HS6ST3: variants seen among roughly 807,000 people sequenced by gnomAD.
HS6ST3 encodes heparan-sulfate 6-O-sulfotransferase 3.
Under a neutral mutation model 36.7 loss-of-function variants are expected in HS6ST3, and 12 were observed. That is an observed-to-expected ratio of 0.33 (90% CI 0.21 to 0.53). The LOEUF is 0.53. Ranked by LOEUF, HS6ST3 falls within the 20% of genes least tolerant of loss-of-function variation. The pLI, the probability that HS6ST3 is intolerant of heterozygous loss-of-function variation, is 0.95. For missense variants in HS6ST3, 584 were observed against 640.9 expected, an observed-to-expected ratio of 0.91 and a Z score of 0.96; for synonymous variants, 240 against 257.5, an observed-to-expected ratio of 0.93 and a Z score of 0.65.
At chr13:96,830,657 A>C (rs1878759219) in intron 1 of HS6ST3, among the ~76,000 whole-genome samples, 1 of 152,174 alleles carries the variant, frequency 6.6e-6, no homozygotes, top group South Asian at 2.1e-4. Flanking sequence ...CACTGAGTAC[A>C]TGCTAGGTCA....
chr13:96,454,064 C>T (rs991425379), intron 1 of HS6ST3, among the ~76,000 whole-genome samples: 1 of 152,148 alleles, frequency 6.6e-6, no homozygotes, highest in African/African-American at 2.4e-5. Flanking sequence ...CACCACTCCC[C>T]CACCCCTAGC....
At chr13:96,544,357 G>T (rs2056189432) in intron 1 of HS6ST3, among the ~76,000 whole-genome samples, 1 of 152,178 alleles carries the variant, frequency 6.6e-6, no homozygotes, top group Admixed American at 6.5e-5. Flanking sequence ...TACAGAAAGA[G>T]AAGGCTCATG....
intron 1 of HS6ST3, among the ~76,000 whole-genome samples, chr13:96,153,553 G>A (rs1400262280): frequency 6.6e-6 from 1 of 152,152 alleles, no homozygotes; most frequent in East Asian, 1.9e-4. Context: ...GTTAGAAGAT[G>A]TGGCCGTTGG....
intron 1 of HS6ST3, among the ~76,000 whole-genome samples, chr13:96,514,491 C>T (rs985294808): frequency 6.6e-6 from 1 of 152,052 alleles, no homozygotes; most frequent in Non-Finnish European, 1.5e-5. Flanking sequence ...GGAGATGGGG[C>T]TTTTAGGACG....
At chr13:96,813,935 T>C (rs528764187) in intron 1 of HS6ST3, among the ~76,000 whole-genome samples, 2 of 152,236 alleles carry the variant, frequency 1.3e-5, no homozygotes, top group African/African-American at 4.8e-5. Context: ...CTCTTTCAGC[T>C]TTTTGTTTCT....
At chr13:96,762,073 T>TATAC (rs1876985089) in intron 1 of HS6ST3, among the ~76,000 whole-genome samples, 1 of 152,026 alleles carries the variant, frequency 6.6e-6, no homozygotes, top group African/African-American at 2.4e-5. Flanking sequence ...TATATACACA[T>TATAC]ATACGTATAT....
chr13:96,491,098 G>A (rs1263089747), intron 1 of HS6ST3, among the ~76,000 whole-genome samples: 2 of 152,088 alleles, frequency 1.3e-5, no homozygotes, highest in Non-Finnish European at 2.9e-5. Flanking sequence ...TTGCCTTCTT[G>A]AACTAGTTCT....
chr13:96,115,442 C>A (rs1400099589), intron 1 of HS6ST3, among the ~76,000 whole-genome samples: 1 of 152,278 alleles, frequency 6.6e-6, no homozygotes, highest in East Asian at 1.9e-4. Flanking sequence ...TTGTTCCCCA[C>A]CCTGTGTCCA....
At chr13:96,786,142 C>A (rs975474502) in intron 1 of HS6ST3, among the ~76,000 whole-genome samples, 3 of 152,116 alleles carry the variant, frequency 2.0e-5, no homozygotes, top group African/African-American at 7.2e-5. Flanking sequence ...TGGACCCTTT[C>A]TTACTCCGTT....
intron 1 of HS6ST3, among the ~76,000 whole-genome samples, chr13:96,178,647 C>G (rs947308113): frequency 5.9e-5 from 9 of 152,126 alleles, no homozygotes; most frequent in Non-Finnish European, 1.3e-4. Flanking sequence ...GGGATACTTT[C>G]TACCTGAGAT....
At chr13:96,693,328 G>A (rs1000759001) in intron 1 of HS6ST3, among the ~76,000 whole-genome samples, 1 of 152,018 alleles carries the variant, frequency 6.6e-6, no homozygotes, top group Non-Finnish European at 1.5e-5. Context: ...TTTTGAGATG[G>A]CGTTTCACTT....
chr13:96,133,031 A>G (rs536894327), intron 1 of HS6ST3, among the ~76,000 whole-genome samples: 4 of 152,160 alleles, frequency 2.6e-5, no homozygotes, highest in African/African-American at 9.6e-5. Context: ...ATATTAACTC[A>G]TAATATACAT....
At chr13:96,623,006 G>A (rs1416889401) in intron 1 of HS6ST3, among the ~76,000 whole-genome samples, 2 of 152,068 alleles carry the variant, frequency 1.3e-5, no homozygotes, top group African/African-American at 4.8e-5. Flanking sequence ...TTAAGTATGT[G>A]TAGTTTTTAT....
intron 1 of HS6ST3, among the ~76,000 whole-genome samples, chr13:96,538,121 C>A (rs867257776): frequency 6.6e-6 from 1 of 152,144 alleles, no homozygotes; most frequent in Non-Finnish European, 1.5e-5. Context: ...AGGACCCAAA[C>A]ACGAATTAGA....
At chr13:96,780,424 T>G (rs1877497802) in intron 1 of HS6ST3, among the ~76,000 whole-genome samples, 1 of 152,154 alleles carries the variant, frequency 6.6e-6, no homozygotes, top group Non-Finnish European at 1.5e-5. Context: ...AGATAAGACC[T>G]CCATATCCTG....
chr13:96,301,132 A>C (rs1331887186), intron 1 of HS6ST3, among the ~76,000 whole-genome samples: 1 of 152,172 alleles, frequency 6.6e-6, no homozygotes, highest in East Asian at 1.9e-4. Flanking sequence ...TGAACAACCC[A>C]CATTGCATTG....
chr13:96,537,781 T>A (rs1244852154), intron 1 of HS6ST3, among the ~76,000 whole-genome samples: 4 of 152,226 alleles, frequency 2.6e-5, no homozygotes, highest in Non-Finnish European at 5.9e-5. Flanking sequence ...GAACCAATGC[T>A]AGGACTGATA....
chr13:96,274,136 C>T (rs74242590), intron 1 of HS6ST3, among the ~76,000 whole-genome samples: 9,969 of 151,270 alleles, frequency 0.066, 409 homozygotes, highest in East Asian at 0.16. Context: ...CTCAAACTCC[C>T]GCTCTTTCTT....
At chr13:96,280,136 A>G (rs2054768412) in intron 1 of HS6ST3, among the ~76,000 whole-genome samples, 1 of 152,126 alleles carries the variant, frequency 6.6e-6, no homozygotes. Context: ...TGCTTTGTGT[A>G]CAGTATTAGC....
Sources: allele counts gnomAD v4.1 joint callset (sites outside exome capture counted in the v4.1 genomes callset), GRCh38; gene constraint gnomAD v4.1.1; transcripts MANE v1.5; gene names NCBI Gene and HGNC (gene_info 2026-07-23, HGNC 2026-07-21).